Variants in PTPRN2 observed in about 807,000 individuals in gnomAD.
PTPRN2 encodes receptor-type tyrosine-protein phosphatase N2.
PTPRN2 carries 74 observed loss-of-function variants against 118.8 expected under a neutral mutation model. That is an observed-to-expected ratio of 0.62 (90% CI 0.52 to 0.76). The LOEUF (loss-of-function observed/expected upper bound fraction) is 0.76. Among genes scored for constraint, PTPRN2 ranks in the 30% least tolerant of loss-of-function variants. PTPRN2 has a pLI of 0.00. For synonymous variants in PTPRN2, 641 were observed against 608.0 expected (o/e 1.05, Z -0.80); for missense variants, 1,481 against 1,394.4 (o/e 1.06, Z -0.99).
At chr7:158,492,163 T>C (rs1821504429) in intron 1 of PTPRN2, among the ~76,000 whole-genome samples, 1 of 152,164 alleles carries the variant, frequency 6.6e-6, no homozygotes, top group African/African-American at 2.4e-5. Context: ...GCAGTAAGGA[T>C]GTGACCACAC....
intron 1 of PTPRN2, chr7:158,539,474 C>A (rs1265239941): frequency 1.3e-5 from 2 of 152,490 alleles, no homozygotes; most frequent in Non-Finnish European, 2.9e-5. Context: ...CAGCACCGGA[C>A]TCCTGTCCTG....
intron 2 of PTPRN2, among the ~76,000 whole-genome samples, chr7:158,334,489 T>A (rs1451900842): frequency 2.0e-5 from 2 of 99,632 alleles, no homozygotes; most frequent in Non-Finnish European, 4.6e-5. Context: ...CCCACACACG[T>A]CACTCACACC....
At chr7:157,993,569 A>G (rs1404363496) in intron 11 of PTPRN2, among the ~76,000 whole-genome samples, 1 of 152,190 alleles carries the variant, frequency 6.6e-6, no homozygotes, top group East Asian at 1.9e-4. Flanking sequence ...GATCGGAATC[A>G]TCTGCCAGGC....
chr7:157,951,792 T>A (rs1343176534), intron 11 of PTPRN2, among the ~76,000 whole-genome samples: 2 of 152,202 alleles, frequency 1.3e-5, no homozygotes, highest in Non-Finnish European at 2.9e-5. Context: ...CTGCTCCATC[T>A]GATTTGTTTG....
At chr7:157,588,555 G>A (rs1288817573) in intron 17 of PTPRN2, among the ~76,000 whole-genome samples, 7 of 152,216 alleles carry the variant, frequency 4.6e-5, no homozygotes, top group Non-Finnish European at 8.8e-5. Context: ...CCACGTCCCC[G>A]GGAAGGTGCA....
intron 12 of PTPRN2, among the ~76,000 whole-genome samples, chr7:157,825,024 G>A (rs1456908593): frequency 1.3e-5 from 2 of 152,196 alleles, no homozygotes; most frequent in Non-Finnish European, 2.9e-5. Context: ...CCCATCTCAA[G>A]GCAGCTTGGC....
Position 158,522,420 on chromosome 7 carries a change from A to C in PTPRN2, c.113-32635T>G, listed in dbSNP as rs868242595. On this transcript the variant is annotated intron_variant, in intron 1 of 22. Transcript: ENST00000389418. ...TGGTGGACTGTCCAGGTGCTGGCTC[A>C]GGGGGAAGGTCCACATCGGAATGGT... is the stretch of plus-strand genomic sequence containing the variant. 1.4e-5 allele frequency among the ~76,000 whole-genome samples: 2 copies of C among 141,472 alleles called. 1 individual carries two copies. Among genetic ancestry groups the C allele is most frequent in the African/African-American group, 5.5e-5 (2 of 36,360 alleles). The allele number at this position is 141,472 out of a possible 152,430, so 92.8% of individuals were successfully genotyped here.
intron 2 of PTPRN2, among the ~76,000 whole-genome samples, chr7:158,351,405 CA>C (rs1807920337): frequency 1.3e-5 from 2 of 152,322 alleles, no homozygotes; most frequent in Admixed American, 1.3e-4. Context: ...GGGCTCCCTG[CA>C]GGCCTGCAGC....
intron 10 of PTPRN2, among the ~76,000 whole-genome samples, chr7:158,101,339 T>A (rs1262687092): frequency 6.6e-6 from 1 of 152,116 alleles, no homozygotes; most frequent in Non-Finnish European, 1.5e-5. Context: ...TAAAACTGGA[T>A]CCTCATCTCT....
intron 5 of PTPRN2, among the ~76,000 whole-genome samples, chr7:158,178,589 C>CTTTTTTTTTTTTTTTTT (rs56710690): frequency 1.5e-5 from 1 of 67,390 alleles, no homozygotes; most frequent in African/African-American, 5.2e-5. Flanking sequence ...CATTTTCTTT[C>CTTTTTTTTTTTTTTTTT]TTTTTTTTTT....
At chr7:157,940,507 T>A (rs1329220299) in intron 11 of PTPRN2, among the ~76,000 whole-genome samples, 13 of 103,738 alleles carry the variant, frequency 1.3e-4, no homozygotes, top group East Asian at 3.2e-4. Flanking sequence ...ACCCTCCCCC[T>A]TGACACTGCA....
intron 12 of PTPRN2, among the ~76,000 whole-genome samples, chr7:157,853,864 G>A (rs750862320): frequency 6.6e-6 from 1 of 152,206 alleles, no homozygotes; most frequent in Non-Finnish European, 1.5e-5. Context: ...TTTCAATGAG[G>A]TCATTAGGGC....
intron 17 of PTPRN2, among the ~76,000 whole-genome samples, chr7:157,579,469 G>C (rs1176093518): frequency 6.6e-6 from 1 of 152,176 alleles, no homozygotes; most frequent in East Asian, 1.9e-4. Context: ...TCAGAAGGTG[G>C]AGAAGCTCAT....
At chr7:157,775,366 A>C (rs1330824887) in intron 12 of PTPRN2, among the ~76,000 whole-genome samples, 1 of 152,348 alleles carries the variant, frequency 6.6e-6, no homozygotes, top group African/African-American at 2.4e-5. Flanking sequence ...GGGTCTGGGC[A>C]GTCCCTATTC....
At chr7:158,341,446 G>GCCGAT (rs1806760686) in intron 2 of PTPRN2, among the ~76,000 whole-genome samples, 1 of 142,700 alleles carries the variant, frequency 7.0e-6, no homozygotes, top group African/African-American at 2.6e-5. Flanking sequence ...CACCATAAGA[G>GCCGAT]GTAACACCTT....
intron 12 of PTPRN2, among the ~76,000 whole-genome samples, chr7:157,824,280 C>T (rs1421116788): frequency 1.3e-5 from 2 of 152,196 alleles, no homozygotes; most frequent in Non-Finnish European, 2.9e-5. Flanking sequence ...ACAGGTCCTC[C>T]TCCTAGGGCA....
intron 1 of PTPRN2, among the ~76,000 whole-genome samples, chr7:158,504,318 G>A (rs1019626212): frequency 2.6e-5 from 4 of 152,078 alleles, no homozygotes; most frequent in African/African-American, 9.7e-5. Flanking sequence ...TTAGGCCAGC[G>A]TCCATTAGCA....
intron 6 of PTPRN2, among the ~76,000 whole-genome samples, chr7:158,154,279 C>G (rs1339731546): frequency 6.6e-6 from 1 of 152,204 alleles, no homozygotes; most frequent in Admixed American, 6.5e-5. Context: ...TCGGGGAAAC[C>G]CATCCAGCCT....
At chr7:158,486,720 A>G (rs5016019) in intron 2 of PTPRN2, among the ~76,000 whole-genome samples, 29,121 of 152,146 alleles carry the variant, frequency 0.19, 3,271 homozygotes, top group East Asian at 0.41. Context: ...GATTACGTTA[A>G]ATGAGCATGT....
Sources: gnomAD v4.1 joint callset for allele counts (sites outside exome capture counted in the v4.1 genomes callset) on GRCh38, gnomAD v4.1.1 for gene constraint, MANE v1.5 for transcripts, NCBI Gene and HGNC (gene_info 2026-07-23, HGNC 2026-07-21) for gene names.